Variants in DIAPH3 observed in about 807,000 individuals in gnomAD.
DIAPH3 encodes the protein protein diaphanous homolog 3.
DIAPH3 carries 117 observed loss-of-function variants against 144.3 expected under a neutral mutation model. The ratio of observed to expected loss-of-function variants is 0.81; its 90% CI spans 0.70 to 0.95. The LOEUF (loss-of-function observed/expected upper bound fraction) is 0.95. Ranked by LOEUF, DIAPH3 falls within the 40% of genes least tolerant of loss-of-function variation. The probability of loss-of-function intolerance (pLI) is 0.00; values close to 1 mark genes in which losing one functional copy is unlikely to be tolerated. For missense variants in DIAPH3, 1,421 were observed against 1,412.7 expected (o/e 1.01, Z -0.09); for synonymous variants, 519 against 488.9 (o/e 1.06, Z -0.81).
intron 27 of DIAPH3, among the ~76,000 whole-genome samples, chr13:59,733,017 G>C (rs1242490861): frequency 6.6e-6 from 1 of 151,820 alleles, no homozygotes; most frequent in Non-Finnish European, 1.5e-5. Context: ...GTATGTAGTG[G>C]GTCTTAGTAT....
At chr13:60,030,022 C>G (rs1218295545) in intron 5 of DIAPH3, among the ~76,000 whole-genome samples, 2 of 152,108 alleles carry the variant, frequency 1.3e-5, no homozygotes, top group Non-Finnish European at 2.9e-5. Context: ...ATGTTCAGTA[C>G]TACTGCCCAC....
intron 17 of DIAPH3, among the ~76,000 whole-genome samples, chr13:59,958,091 T>C (rs949319581): frequency 6.6e-5 from 10 of 152,198 alleles, no homozygotes; most frequent in Non-Finnish European, 1.5e-4. Context: ...TTGTGTGAAA[T>C]GTCGCTGCAA....
intron 14 of DIAPH3, among the ~76,000 whole-genome samples, chr13:59,979,804 G>A (rs1335526343): frequency 2.0e-5 from 3 of 151,590 alleles, no homozygotes; most frequent in Admixed American, 6.6e-5. Context: ...TATTCACTTC[G>A]TAAATGTTTG....
chr13:60,114,312 T>A (rs1313721269), intron 2 of DIAPH3, among the ~76,000 whole-genome samples: 2 of 147,096 alleles, frequency 1.4e-5, no homozygotes, highest in Non-Finnish European at 3.0e-5. Context: ...AAAGAATAGA[T>A]CGGAAATGAA....
intron 2 of DIAPH3, among the ~76,000 whole-genome samples, chr13:60,124,225 C>A (rs1407977093): frequency 6.6e-6 from 1 of 152,198 alleles, no homozygotes; most frequent in Non-Finnish European, 1.5e-5. Context: ...CTCACTAGAA[C>A]CTACATCCAC....
intron 27 of DIAPH3, among the ~76,000 whole-genome samples, chr13:59,714,998 T>C (rs1285105545): frequency 6.6e-6 from 1 of 152,188 alleles, no homozygotes; most frequent in Non-Finnish European, 1.5e-5. Flanking sequence ...AAAGGGGCAG[T>C]ACTGACGTAG....
intron 27 of DIAPH3, among the ~76,000 whole-genome samples, chr13:59,708,147 T>C (rs2034532639): frequency 6.6e-6 from 1 of 151,918 alleles, no homozygotes; most frequent in Non-Finnish European, 1.5e-5. Context: ...ACTGTAGTCT[T>C]GAACTCAGGG....
At chr13:59,873,181 G>GTTAT (rs756942206) in intron 21 of DIAPH3, among the ~76,000 whole-genome samples, 40 of 152,098 alleles carry the variant, frequency 2.6e-4, no homozygotes, top group Non-Finnish European at 5.3e-4. Context: ...AATGGCATTT[G>GTTAT]TTATTTGCAA....
At chr13:59,786,234 G>A (rs1283105937) in intron 25 of DIAPH3, among the ~76,000 whole-genome samples, 1 of 152,006 alleles carries the variant, frequency 6.6e-6, no homozygotes, top group Non-Finnish European at 1.5e-5. Flanking sequence ...TTATTACATT[G>A]TATCCAAATT....
chr13:60,085,583 A>G (rs1012160160), intron 4 of DIAPH3, among the ~76,000 whole-genome samples: 6 of 152,110 alleles, frequency 3.9e-5, no homozygotes, highest in African/African-American at 1.4e-4. Context: ...AAGTTCCCAG[A>G]TCATTCTACT....
intron 27 of DIAPH3, among the ~76,000 whole-genome samples, chr13:59,713,556 G>A (rs1050607769): frequency 1.3e-5 from 2 of 152,164 alleles, no homozygotes; most frequent in African/African-American, 2.4e-5. Flanking sequence ...GGAATGACTG[G>A]ATAAGATCTG....
chr13:59,933,584 C>T (rs1250901217), intron 17 of DIAPH3, among the ~76,000 whole-genome samples: 1 of 152,160 alleles, frequency 6.6e-6, no homozygotes, highest in Admixed American at 6.5e-5. Context: ...GCCATCTATA[C>T]TTGTGATCTA....
Position 60,072,162 on chromosome 13 carries a change from G to A in DIAPH3, c.495+21466C>T, listed in dbSNP as rs918031068. Among the ~76,000 whole-genome samples, 5 of 152,088 alleles carry A rather than the reference G, an allele frequency of 3.3e-5. No homozygotes were observed. In the South Asian group the frequency reaches 6.2e-4, roughly 19 times the overall value. ...CCTCATAATCTACAAGTCTCTTCTC[G>A]ATGCGCATCTGCCAATCTCCTGAAG... On this transcript the variant is annotated intron_variant, in intron 4 of 27. Coordinates refer to ENST00000400324, the MANE Select transcript of DIAPH3 (RefSeq NM_001042517.2).
intron 1 of DIAPH3, among the ~76,000 whole-genome samples, chr13:60,144,216 C>T (rs560032700): frequency 1.3e-4 from 20 of 152,240 alleles, no homozygotes; most frequent in African/African-American, 4.3e-4. Context: ...TTTCCCAATA[C>T]GGATGCCTAT....
chr13:59,699,982 C>A (rs574746304), intron 27 of DIAPH3, among the ~76,000 whole-genome samples: 3 of 152,284 alleles, frequency 2.0e-5, no homozygotes, highest in African/African-American at 7.2e-5. Context: ...CTCCTCTGTG[C>A]TAAATACATT....
chr13:59,799,312 A>G (rs2039774190), intron 25 of DIAPH3, among the ~76,000 whole-genome samples: 1 of 151,756 alleles, frequency 6.6e-6, no homozygotes, highest in Non-Finnish European at 1.5e-5. Context: ...GGAGATAAGA[A>G]GAGATCATGG....
At chr13:59,759,830 C>T (rs2037482938) in intron 27 of DIAPH3, among the ~76,000 whole-genome samples, 1 of 151,912 alleles carries the variant, frequency 6.6e-6, no homozygotes, top group Non-Finnish European at 1.5e-5. Context: ...CCTGTAATCC[C>T]AACTACTGGG....
rs1307243731 is a variant in DIAPH3, at chr13:60,163,678, C to A, written c.89G>T (p.Cys30Phe). Residue 30 changes from cysteine (C) to phenylalanine (F), a missense_variant, in exon 1 of 28, where the codon TGC (cysteine) becomes TTC (phenylalanine). Cys to Phe is a radical substitution (Grantham distance 205). Coordinates refer to ENST00000400324, the MANE Select transcript of DIAPH3 (RefSeq NM_001042517.2). ...PYPSSASLRG[C>F]RESKMPRRKG... ...CCTGCGCGGCATCTTGCTTTCCCGG[C>A]AGCCGCGGAGAGAGGCTGAGGAAGG... 8 of 1,607,700 alleles carry A rather than the reference C, an allele frequency of 5.0e-6. No individual in the cohort carries two copies. Among genetic ancestry groups the A allele is most frequent in the Non-Finnish European group, 6.8e-6 (8 of 1,175,508 alleles).
At chr13:60,082,791 AAT>A (rs375824682) in intron 4 of DIAPH3, among the ~76,000 whole-genome samples, 281 of 152,248 alleles carry the variant, frequency 1.8e-3, no homozygotes, top group Non-Finnish European at 3.1e-3. Context: ...TGAGCATTCA[AAT>A]ATAGTTACTA....
Sources: allele counts gnomAD v4.1 joint callset (sites outside exome capture counted in the v4.1 genomes callset), GRCh38; gene constraint gnomAD v4.1.1; transcripts MANE v1.5; gene names NCBI Gene and HGNC (gene_info 2026-07-23, HGNC 2026-07-21).